The following RAD50 variants were observed in gnomAD, a reference collection of about 807,000 sequenced individuals.
RAD50 encodes RAD50 double strand break repair protein, also known as DNA repair protein RAD50.
Under a neutral mutation model 168.8 loss-of-function variants are expected in RAD50, and 132 were observed. The observed-to-expected ratio is 0.78, with a 90% CI of 0.68 to 0.90. The LOEUF is 0.90. Ranked by LOEUF, RAD50 falls within the 40% of genes least tolerant of loss-of-function variation. The probability of loss-of-function intolerance (pLI) is 0.00; values close to 1 mark genes in which losing one functional copy is unlikely to be tolerated. For synonymous variants in RAD50, 525 were observed against 497.4 expected, an observed-to-expected ratio of 1.06 and a Z score of -0.74; for missense variants, 1,347 against 1,534.4, an observed-to-expected ratio of 0.88 and a Z score of 2.04.
At chr5:132,586,115 T>A (rs1234481160) in intron 5 of RAD50, among the ~76,000 whole-genome samples, 1 of 152,216 alleles carries the variant, frequency 6.6e-6, no homozygotes, top group Non-Finnish European at 1.5e-5. Flanking sequence ...GTTTTATAGT[T>A]TGAGTTCTTA....
At chr5:132,612,786 C>T (rs1356556799) in intron 19 of RAD50, among the ~76,000 whole-genome samples, 1 of 151,980 alleles carries the variant, frequency 6.6e-6, no homozygotes, top group Non-Finnish European at 1.5e-5. Context: ...CCTTACTACG[C>T]CACTGCACTC....
rs777333852 is a variant in RAD50 at position 132,587,967 on chromosome 5, A to G, written c.929A>G (p.Asn310Ser). ...GAGCAACTAAATGACTTATATCACA[A>G]TCACCAGAGAACAGTAAGGGAGAAA... ...TDEQLNDLYH[N>S]HQRTVREKER... Residue 310 changes from asparagine to serine, a missense_variant, in exon 7 of 25, where the codon AAT becomes AGT. Coordinates refer to ENST00000378823, the MANE Select transcript of RAD50 (RefSeq NM_005732.4). 6.2e-7 allele frequency: 1 copy of G among 1,612,936 alleles called. No individual in the cohort carries two copies. The highest frequency in any genetic ancestry group is 8.5e-7 in the Non-Finnish European group (1 of 1,179,220).
chr5:132,584,704 A>C (rs1005109794), intron 5 of RAD50, among the ~76,000 whole-genome samples: 29 of 152,306 alleles, frequency 1.9e-4, no homozygotes, highest in Admixed American at 5.2e-4. Context: ...CCAAATGTCC[A>C]ATGATGATAG....
rs1751754278 is a variant in RAD50, at chr5:132,642,606, T to C, written c.*242T>C. The C allele has an allele frequency of 1.8e-6, 1 of 555,802 alleles. No homozygotes were observed. The highest frequency in any genetic ancestry group is 3.1e-5 in the East Asian group (1 of 32,322). 34.4% of individuals were successfully genotyped at this position (555,802 alleles called of 1,614,324 possible). A position where few individuals can be genotyped will look rare whatever the true frequency, so the allele number is the denominator to read the frequency against. Reference sequence around the variant, plus strand: ...ATTCCAGGCAGCCTCTGTCAGGCCTTCAGGGTTCAGCAGTACAGCCGAGAC... The same window carrying C: ...ATTCCAGGCAGCCTCTGTCAGGCCTCCAGGGTTCAGCAGTACAGCCGAGAC... On this transcript the variant is annotated 3_prime_UTR_variant, in exon 25 of 25. Coordinates refer to ENST00000378823, the MANE Select transcript of RAD50 (RefSeq NM_005732.4).
chr5:132,572,383 CATAAAA>C (rs1318896777), intron 2 of RAD50, among the ~76,000 whole-genome samples: 2 of 151,748 alleles, frequency 1.3e-5, no homozygotes, highest in Non-Finnish European at 2.9e-5. Context: ...TAAATAAAAA[CATAAAA>C]ATAAAAACAT....
chr5:132,641,621 A>G (rs1751722925), intron 24 of RAD50: 1 of 157,202 alleles, frequency 6.4e-6, no homozygotes, highest in Non-Finnish European at 1.4e-5. Context: ...TGGTTACCTC[A>G]GCAAAATGTT....
chr5:132,585,146 G>A (rs1447094924), intron 5 of RAD50, among the ~76,000 whole-genome samples: 1 of 152,130 alleles, frequency 6.6e-6, no homozygotes, highest in Non-Finnish European at 1.5e-5. Context: ...AGATAAAACT[G>A]CTATAAACTT....
chr5:132,617,229 GCTA>G (rs769806310), intron 20 of RAD50, among the ~76,000 whole-genome samples: 3 of 152,102 alleles, frequency 2.0e-5, no homozygotes, highest in Admixed American at 1.3e-4. Flanking sequence ...TATATTCGTG[GCTA>G]CTAAAGACCA....
intron 19 of RAD50, among the ~76,000 whole-genome samples, chr5:132,610,265 TTTTCTTATTCTAACA>T (rs1272753028): frequency 2.6e-5 from 4 of 152,124 alleles, no homozygotes; most frequent in Non-Finnish European, 4.4e-5. Flanking sequence ...TATCTGTATC[TTTTCTTATTCTAACA>T]TATCTTTATG....
At chr5:132,580,998 A>G (rs1310396782) in intron 5 of RAD50, among the ~76,000 whole-genome samples, 2 of 152,190 alleles carry the variant, frequency 1.3e-5, no homozygotes, top group Non-Finnish European at 2.9e-5. Context: ...ATAGAAATAT[A>G]TTGCAAGGGC....
intron 19 of RAD50, among the ~76,000 whole-genome samples, chr5:132,609,769 G>A (rs1173154679): frequency 6.6e-6 from 1 of 152,112 alleles, no homozygotes; most frequent in Non-Finnish European, 1.5e-5. Flanking sequence ...GCGACACAGC[G>A]AGACTCTGTC....
rs1278371108 is a variant in RAD50, at chr5:132,592,032, G to T, written c.1791G>T (p.Leu597Phe). 2 of 1,610,066 alleles carry T rather than the reference G, an allele frequency of 1.2e-6. No homozygotes were observed. Among genetic ancestry groups the T allele is most frequent in the Admixed American group, 3.3e-5 (2 of 59,994 alleles). ...INQTRDRLAK[L>F]NKELASSEQN... Reference sequence around the variant, plus strand: ...AGACCAGGGACAGACTTGCCAAATTGAAGTAAGTTGCAACATTTGGAGATG... The same window carrying T: ...AGACCAGGGACAGACTTGCCAAATTTAAGTAAGTTGCAACATTTGGAGATG... The change falls in exon 11 of 25, where the codon TTG (leucine) becomes TTT (phenylalanine). Residue 597 changes from leucine to phenylalanine, a missense_variant and splice_region_variant. Around this residue, in one of 3 missense-constraint regions of RAD50, gnomAD observed 703 missense variants for 767.7 expected, o/e 0.92. Transcript: ENST00000378823.
At position 132,603,381 on chromosome 5, in the gene RAD50, C is replaced by T; in HGVS notation, c.2289C>T (p.Arg763=). The T allele has an allele frequency of 6.2e-7, 1 of 1,613,604 alleles. No homozygotes were observed. The highest frequency in any genetic ancestry group is 1.1e-5 in the South Asian group (1 of 91,058). The change falls in exon 14 of 25, where the codon CGC becomes CGT. Residue 763 remains arginine (R), a synonymous_variant. Coordinates refer to ENST00000378823, the MANE Select transcript of RAD50 (RefSeq NM_005732.4). ...KLQNVNRDIQ[R]LKNDIEEQET... Reference sequence around the variant, plus strand: ...AGAATGTCAATAGAGACATACAGCGCCTAAAGAACGACATAGAAGAACAAG... The same window carrying T: ...AGAATGTCAATAGAGACATACAGCGTCTAAAGAACGACATAGAAGAACAAG...
In RAD50 at chr5:132,589,589, T is replaced by A. The variant is rs114648433; in HGVS notation, c.1246-42T>A. The A allele has an allele frequency of 1.4e-3, 1,967 of 1,445,902 alleles. 15 individuals are homozygous for A. The African/African-American group carries it at 0.024, about 18-fold the overall frequency. The allele number at this position is 1,445,902 out of a possible 1,614,324, so 89.6% of individuals were successfully genotyped here. On this transcript the variant is annotated intron_variant, in intron 8 of 24. Transcript: ENST00000378823. ...TTTTGCAATTAAAAAACTTAAATTGTTTAGTAAATTATTAATGCTCATTCT... is the reference window on the plus strand; with the variant it reads ...TTTTGCAATTAAAAAACTTAAATTGATTAGTAAATTATTAATGCTCATTCT...
At chr5:132,567,340 C>T (rs1196913250) in intron 2 of RAD50, among the ~76,000 whole-genome samples, 1 of 152,142 alleles carries the variant, frequency 6.6e-6, no homozygotes, top group East Asian at 1.9e-4. Flanking sequence ...GGGCTATATT[C>T]TTTGAGAAAG....
chr5:132,566,203 A>G lies in RAD50; in HGVS notation c.213+6836A>G, dbSNP rs574732589. Reference sequence around the variant, plus strand: ...AGTGTCAACAACAATGTAGTGATAGAAATGCTACAAGATAGCCCTTGCTTG... The same window carrying G: ...AGTGTCAACAACAATGTAGTGATAGGAATGCTACAAGATAGCCCTTGCTTG... On this transcript the variant is annotated intron_variant, in intron 2 of 24. Transcript: ENST00000378823. Among the ~76,000 whole-genome samples, 265 of 152,314 alleles carry G rather than the reference A, an allele frequency of 1.7e-3. 1 individual carries two copies. The highest frequency in any genetic ancestry group is 6.1e-3 in the African/African-American group (255 of 41,558).
Position 132,633,669 on chromosome 5 carries a change from G to A in RAD50, c.3390-3446G>A, listed in dbSNP as rs183303487. Reference sequence around the variant, plus strand: ...CAGCTTACTGTAGCTTCAACTTCCCGGGCTCAGTTGATCCTCTCACCTCAG... The same window carrying A: ...CAGCTTACTGTAGCTTCAACTTCCCAGGCTCAGTTGATCCTCTCACCTCAG... On this transcript the variant is annotated intron_variant, in intron 21 of 24. Coordinates refer to ENST00000378823, the MANE Select transcript of RAD50 (RefSeq NM_005732.4). Among the ~76,000 whole-genome samples the A allele has an allele frequency of 9.2e-5, 14 of 151,416 alleles. No individual in the cohort carries two copies. In the East Asian group the frequency reaches 2.5e-3, roughly 27 times the overall value.
rs1581025172 is a variant in RAD50 at position 132,642,313 on chromosome 5, C to T, written c.3888C>T (p.Cys1296=). 1 of 1,614,000 alleles carries T rather than the reference C, an allele frequency of 6.2e-7. No individual in the cohort carries two copies. Among genetic ancestry groups the T allele is most frequent in the South Asian group, 1.1e-5 (1 of 91,066 alleles). The change falls in exon 25 of 25, where the codon TGC becomes TGT. Residue 1296 remains cysteine (C), a synonymous_variant. Transcript: ENST00000378823. ...FYRIKKNIDQ[C]SEIVKCSVSS... is the part of the protein sequence containing the mutation. ...GGATTAAAAAGAACATCGATCAGTGCTCAGAGATTGTGAAATGCAGTGTTA... is the reference window on the plus strand; with the variant it reads ...GGATTAAAAAGAACATCGATCAGTGTTCAGAGATTGTGAAATGCAGTGTTA...
Position 132,557,421 on chromosome 5 carries a change from A to G in RAD50, c.97A>G (p.Ile33Val). The G allele has an allele frequency of 6.2e-7, 1 of 1,614,154 alleles. No homozygotes were observed. Among genetic ancestry groups the G allele is most frequent in the Non-Finnish European group, 8.5e-7 (1 of 1,179,980 alleles). ...TATCACTTTCTTCAGCCCCCTTACA[A>G]TTTTGGTTGGACCCAATGGGGCGGG... ...QIITFFSPLT[I>V]LVGPNGAGKT... The change falls in exon 1 of 25, where the codon ATT becomes GTT. Residue 33 changes from isoleucine (I) to valine (V), a missense_variant. Ile to Val is a conservative substitution (Grantham distance 29, BLOSUM62 3). Transcript: ENST00000378823.
Sources: gnomAD v4.1 joint callset for allele counts (sites outside exome capture counted in the v4.1 genomes callset) on GRCh38, gnomAD v4.1.1 for gene constraint, gnomAD v4.1.1 regional missense constraint, MANE v1.5 for transcripts, NCBI Gene and HGNC (gene_info 2026-07-23, HGNC 2026-07-21) for gene names.